HS3ST4: variants seen among roughly 807,000 people sequenced by gnomAD.
HS3ST4 encodes heparan sulfate glucosamine 3-O-sulfotransferase 4.
Under a neutral mutation model 29.2 loss-of-function variants are expected in HS3ST4, and 17 were observed. The observed-to-expected ratio is 0.58, with a 90% CI of 0.40 to 0.87. HS3ST4 has a LOEUF of 0.87. Ranked by LOEUF, HS3ST4 falls within the 40% of genes least tolerant of loss-of-function variation. The probability of loss-of-function intolerance (pLI) is 0.00; values close to 1 mark genes in which losing one functional copy is unlikely to be tolerated. For missense variants in HS3ST4, 627 were observed against 634.5 expected, an observed-to-expected ratio of 0.99 and a Z score of 0.13; for synonymous variants, 314 against 285.7, an observed-to-expected ratio of 1.10 and a Z score of -1.00.
intron 1 of HS3ST4, among the ~76,000 whole-genome samples, chr16:25,965,780 T>A (rs1968836660): frequency 1.3e-5 from 2 of 152,370 alleles, no homozygotes; most frequent in South Asian, 4.1e-4. Context: ...ACAAATATAC[T>A]TGATTGCAAC....
intron 1 of HS3ST4, among the ~76,000 whole-genome samples, chr16:25,734,156 G>A (rs970534022): frequency 2.6e-5 from 4 of 152,094 alleles, no homozygotes; most frequent in Non-Finnish European, 5.9e-5. Flanking sequence ...ACATTGTAGC[G>A]ACATATACTA....
At chr16:26,116,003 A>G (rs746997672) in intron 1 of HS3ST4, among the ~76,000 whole-genome samples, 1 of 152,200 alleles carries the variant, frequency 6.6e-6, no homozygotes, top group Non-Finnish European at 1.5e-5. Flanking sequence ...AAACACATTT[A>G]TGTTCTCACA....
At chr16:25,734,543 G>T (rs1369266366) in intron 1 of HS3ST4, among the ~76,000 whole-genome samples, 1 of 152,148 alleles carries the variant, frequency 6.6e-6, no homozygotes, top group Non-Finnish European at 1.5e-5. Context: ...GGATTTCCGG[G>T]CACTCTGTGA....
At chr16:26,069,842 T>C (rs1054736932) in intron 1 of HS3ST4, among the ~76,000 whole-genome samples, 2 of 151,834 alleles carry the variant, frequency 1.3e-5, no homozygotes, top group African/African-American at 4.8e-5. Context: ...TTGCTGACAA[T>C]GATGGTTTCC....
In HS3ST4 at chr16:26,134,343, TTTTCTTTTCTTTTCTTTTC is replaced by T. The variant is rs1171281482; in HGVS notation, c.735-1265_735-1247del. ...CTCAACTGAATTTTCTTTTCTTTTCTTTTCTTTTCTTTTCTTTTCTTTTTTTTTTTTTTGATTGAGATGG... is the reference window on the plus strand; with the variant it reads ...CTCAACTGAATTTTCTTTTCTTTTCTTTTTTTTTTTTTTTGATTGAGATGG... On this transcript the variant is annotated intron_variant, in intron 1 of 1. Transcript: ENST00000331351. 3.6e-5 allele frequency among the ~76,000 whole-genome samples: 4 copies of T among 111,888 alleles called. No individual in the cohort carries two copies. The Admixed American group carries it at 3.8e-4, about 11-fold the overall frequency. 73.4% of individuals were successfully genotyped at this position (111,888 alleles called of 152,430 possible). A position where few individuals can be genotyped will look rare whatever the true frequency, so the allele number is the denominator to read the frequency against.
chr16:26,096,787 C>A (rs944638142), intron 1 of HS3ST4, among the ~76,000 whole-genome samples: 3 of 152,170 alleles, frequency 2.0e-5, no homozygotes, highest in Non-Finnish European at 4.4e-5. Flanking sequence ...AAGAGGAAGT[C>A]AGATTGTCCC....
At chr16:25,942,802 C>G (rs1168276062) in intron 1 of HS3ST4, among the ~76,000 whole-genome samples, 1 of 151,682 alleles carries the variant, frequency 6.6e-6, no homozygotes, top group Non-Finnish European at 1.5e-5. Flanking sequence ...AAAAACTTTC[C>G]TTAGAGACAG....
chr16:25,770,319 G>A (rs8045557), intron 1 of HS3ST4, among the ~76,000 whole-genome samples: 100,430 of 152,058 alleles, frequency 0.66, 33,512 homozygotes, highest in Middle Eastern at 0.74. Context: ...AAGTAAAATA[G>A]CTAGCAGTTA....
At chr16:26,104,127 G>T (rs1217603087) in intron 1 of HS3ST4, among the ~76,000 whole-genome samples, 2 of 152,170 alleles carry the variant, frequency 1.3e-5, no homozygotes, top group African/African-American at 4.8e-5. Context: ...AGAGAAGTGG[G>T]TTTAGATAAA....
intron 1 of HS3ST4, among the ~76,000 whole-genome samples, chr16:25,927,763 C>A (rs7206013): frequency 0.022 from 3,330 of 151,818 alleles, 138 homozygotes; most frequent in African/African-American, 0.077. Flanking sequence ...TATTGAAAAC[C>A]CCTCCATTCC....
At chr16:25,869,151 C>T (rs1464003584) in intron 1 of HS3ST4, among the ~76,000 whole-genome samples, 6 of 152,138 alleles carry the variant, frequency 3.9e-5, no homozygotes, top group East Asian at 1.9e-4. Context: ...ATCTGCTACT[C>T]GGGAGTGGGA....
At chr16:26,060,786 G>A (rs1898465616) in intron 1 of HS3ST4, among the ~76,000 whole-genome samples, 1 of 152,172 alleles carries the variant, frequency 6.6e-6, no homozygotes, top group South Asian at 2.1e-4. Flanking sequence ...GCCCACAACA[G>A]CAGGAGAATT....
chr16:25,754,273 GAGCCTCCAATCACACACTCC>G (rs1287327927), intron 1 of HS3ST4, among the ~76,000 whole-genome samples: 55 of 152,160 alleles, frequency 3.6e-4, no homozygotes, highest in African/African-American at 1.3e-3. Flanking sequence ...CCCTGGTAAG[GAGCCTCCAATCACACACTCC>G]ATACAGCTAC....
At chr16:26,118,821 G>A (rs910339428) in intron 1 of HS3ST4, among the ~76,000 whole-genome samples, 1 of 152,120 alleles carries the variant, frequency 6.6e-6, no homozygotes, top group Non-Finnish European at 1.5e-5. Context: ...GGACTTTGTT[G>A]AAACGGGATA....
At chr16:26,014,194 A>C (rs995688909) in intron 1 of HS3ST4, among the ~76,000 whole-genome samples, 2 of 152,146 alleles carry the variant, frequency 1.3e-5, no homozygotes, top group African/African-American at 4.8e-5. Context: ...ACTAGTATGT[A>C]AACTCTATGA....
At chr16:26,055,966 A>G (rs997349837) in intron 1 of HS3ST4, among the ~76,000 whole-genome samples, 1 of 151,996 alleles carries the variant, frequency 6.6e-6, no homozygotes, top group African/African-American at 2.4e-5. Context: ...TCCTCAGGGT[A>G]TAAACACAAC....
At chr16:25,739,086 A>G (rs533649529) in intron 1 of HS3ST4, among the ~76,000 whole-genome samples, 2 of 152,332 alleles carry the variant, frequency 1.3e-5, no homozygotes, top group Admixed American at 6.5e-5. Flanking sequence ...TCATGCGTGT[A>G]ATCCCAGCAC....
At chr16:25,807,910 A>G (rs956476939) in intron 1 of HS3ST4, among the ~76,000 whole-genome samples, 9 of 152,160 alleles carry the variant, frequency 5.9e-5, no homozygotes, top group African/African-American at 2.2e-4. Flanking sequence ...GCGGTTGAAC[A>G]TCTCGTCATG....
chr16:25,811,160 G>A (rs936955693), intron 1 of HS3ST4, among the ~76,000 whole-genome samples: 8 of 152,126 alleles, frequency 5.3e-5, no homozygotes, highest in East Asian at 1.9e-4. Flanking sequence ...GGCTTGAAAT[G>A]CGTGGGTTCA....
Sources: allele counts gnomAD v4.1 joint callset (sites outside exome capture counted in the v4.1 genomes callset), GRCh38; gene constraint gnomAD v4.1.1; transcripts MANE v1.5; gene names NCBI Gene and HGNC (gene_info 2026-07-23, HGNC 2026-07-21).